KLHL1: variants seen among roughly 807,000 people sequenced by gnomAD.
KLHL1 encodes kelch-like protein 1.
A neutral mutation model predicts 77.7 loss-of-function variants in KLHL1; 47 were observed. That is an observed-to-expected ratio of 0.60 (90% CI 0.48 to 0.77). KLHL1 has a LOEUF of 0.77. KLHL1 is among the 30% of genes least tolerant of loss of function. The probability of loss-of-function intolerance (pLI) is 0.00; values close to 1 mark genes in which losing one functional copy is unlikely to be tolerated. For missense variants in KLHL1, 925 were observed against 910.8 expected (o/e 1.02, Z -0.20); for synonymous variants, 360 against 325.2 (o/e 1.11, Z -1.15).
intron 4 of KLHL1, among the ~76,000 whole-genome samples, chr13:69,918,872 G>C (rs963984321): frequency 1.3e-5 from 2 of 152,058 alleles, no homozygotes; most frequent in African/African-American, 4.8e-5. Context: ...TAAAACACGG[G>C]TTGTGTAATT....
chr13:69,784,741 C>G (rs1284480279), intron 7 of KLHL1, among the ~76,000 whole-genome samples: 1 of 151,694 alleles, frequency 6.6e-6, no homozygotes, highest in African/African-American at 2.4e-5. Flanking sequence ...TAATGGGAGA[C>G]TTTAACACCC....
intron 4 of KLHL1, among the ~76,000 whole-genome samples, chr13:69,898,373 A>G (rs927768399): frequency 6.6e-6 from 1 of 152,208 alleles, no homozygotes; most frequent in Non-Finnish European, 1.5e-5. Context: ...TCTTATGCCA[A>G]GACCAGAGTT....
intron 7 of KLHL1, among the ~76,000 whole-genome samples, chr13:69,780,612 C>G (rs953816620): frequency 6.8e-6 from 1 of 146,484 alleles, no homozygotes; most frequent in Non-Finnish European, 1.5e-5. Flanking sequence ...ATTCATTACT[C>G]ATTGTTATAT....
chr13:69,992,587 G>C (rs1213474623), intron 1 of KLHL1, among the ~76,000 whole-genome samples: 1 of 151,946 alleles, frequency 6.6e-6, no homozygotes, highest in Non-Finnish European at 1.5e-5. Flanking sequence ...ATTCATATGA[G>C]ACCATAAAAC....
At chr13:69,929,382 T>C (rs190109465) in intron 4 of KLHL1, among the ~76,000 whole-genome samples, 1 of 152,024 alleles carries the variant, frequency 6.6e-6, no homozygotes, top group East Asian at 1.9e-4. Flanking sequence ...ATTTAAATAA[T>C]TGAGGTAAAA....
At chr13:69,832,800 C>T (rs1878813913) in intron 6 of KLHL1, among the ~76,000 whole-genome samples, 1 of 152,076 alleles carries the variant, frequency 6.6e-6, no homozygotes, top group Admixed American at 6.6e-5. Context: ...AGCAAGAGAG[C>T]CAAATAGTTA....
chr13:70,055,074 G>T (rs1393536551), intron 1 of KLHL1, among the ~76,000 whole-genome samples: 1 of 151,922 alleles, frequency 6.6e-6, no homozygotes, highest in Non-Finnish European at 1.5e-5. Flanking sequence ...CAACAAGAAA[G>T]TTATAGGACA....
At position 70,108,306 on chromosome 13, in the gene KLHL1, G is replaced by A; in HGVS notation, c.-607C>T. ...GGATGCCCCGATAGCCTGCCGGGTGGCTCTGAGAAAGTCAATTGCTTTCTG... is the reference window on the plus strand; with the variant it reads ...GGATGCCCCGATAGCCTGCCGGGTGACTCTGAGAAAGTCAATTGCTTTCTG... On this transcript the variant is annotated 5_prime_UTR_variant, in exon 1 of 11. Transcript: ENST00000377844. The A allele has an allele frequency of 2.9e-6, 1 of 344,286 alleles. No homozygotes were observed. The highest frequency in any genetic ancestry group is 4.5e-5 in the East Asian group (1 of 22,228). 21.3% of individuals were successfully genotyped at this position (344,286 alleles called of 1,614,324 possible).
intron 1 of KLHL1, among the ~76,000 whole-genome samples, chr13:69,980,299 T>A (rs1593646305): frequency 6.6e-6 from 1 of 152,310 alleles, no homozygotes; most frequent in Non-Finnish European, 1.5e-5. Context: ...TAATTACTCA[T>A]GTGTTTTTTA....
At chr13:69,934,990 G>GTATA (rs1397119737) in intron 4 of KLHL1, among the ~76,000 whole-genome samples, 1 of 95,588 alleles carries the variant, frequency 1.0e-5, no homozygotes, top group Non-Finnish European at 2.0e-5. Flanking sequence ...ATATATATAT[G>GTATA]TATATATATA....
At chr13:70,064,906 CATTTT>C (rs1262983843) in intron 1 of KLHL1, among the ~76,000 whole-genome samples, 1 of 152,150 alleles carries the variant, frequency 6.6e-6, no homozygotes, top group Admixed American at 6.5e-5. Flanking sequence ...CCCCATCTTA[CATTTT>C]ATTTCTATCA....
chr13:69,996,993 G>A (rs1030523214), intron 1 of KLHL1, among the ~76,000 whole-genome samples: 8 of 138,124 alleles, frequency 5.8e-5, no homozygotes, highest in Non-Finnish European at 1.2e-4. Flanking sequence ...GGCAAAGGTA[G>A]GTGGATCACC....
At chr13:69,773,210 T>C (rs1875661181) in intron 7 of KLHL1, among the ~76,000 whole-genome samples, 1 of 152,092 alleles carries the variant, frequency 6.6e-6, no homozygotes. Flanking sequence ...CTATACACTT[T>C]AAGGGAATAT....
intron 7 of KLHL1, among the ~76,000 whole-genome samples, chr13:69,787,536 A>T (rs1341382757): frequency 6.6e-6 from 1 of 152,266 alleles, no homozygotes; most frequent in African/African-American, 2.4e-5. Flanking sequence ...TTTACATGTT[A>T]GACCTAAAAC....
intron 1 of KLHL1, among the ~76,000 whole-genome samples, chr13:69,988,558 G>A (rs573978970): frequency 1.1e-4 from 16 of 152,016 alleles, no homozygotes; most frequent in Non-Finnish European, 2.2e-4. Context: ...AACAGATGAA[G>A]TAATTTACAC....
At chr13:69,975,527 T>A (rs1884519409) in intron 2 of KLHL1, 93 bp downstream of exon 2, 1 of 1,040,762 alleles carries the variant, frequency 9.6e-7, no homozygotes, top group Non-Finnish European at 1.4e-6. Flanking sequence ...GAATCCTTAT[T>A]TCTGTAGTCA....
chr13:70,107,405 C>T lies in KLHL1; in HGVS notation c.295G>A (p.Val99Ile). ...FNPLNGTLLP[V>I]ATRLQQGAPG... ...GCCCCTTGCTGCAGCCTCGTGGCAA[C>T]TGGAAGCAGGGTGCCATTCAGCGGA... Residue 99 changes from valine to isoleucine, a missense_variant, in exon 1 of 11, where the codon GTT (valine) becomes ATT (isoleucine). By Grantham distance (29) the Val-to-Ile change is conservative. Transcript: ENST00000377844. 1.2e-6 allele frequency: 2 copies of T among 1,613,280 alleles called. No individual in the cohort carries two copies. Among genetic ancestry groups the T allele is most frequent in the Non-Finnish European group, 1.7e-6 (2 of 1,180,018 alleles).
intron 4 of KLHL1, among the ~76,000 whole-genome samples, chr13:69,921,910 T>G (rs1882652585): frequency 6.7e-6 from 1 of 149,436 alleles, no homozygotes; most frequent in African/African-American, 2.5e-5. Context: ...TAGATTTTTG[T>G]TGAATGATTG....
chr13:70,085,619 T>G (rs1044755140), intron 1 of KLHL1, among the ~76,000 whole-genome samples: 3 of 152,198 alleles, frequency 2.0e-5, no homozygotes, highest in Non-Finnish European at 2.9e-5. Flanking sequence ...ATCTCAGCAC[T>G]TTGGGAGGCC....
Sources: gnomAD v4.1 joint callset for allele counts (sites outside exome capture counted in the v4.1 genomes callset) on GRCh38, gnomAD v4.1.1 for gene constraint, MANE v1.5 for transcripts, NCBI Gene and HGNC (gene_info 2026-07-23, HGNC 2026-07-21) for gene names.